The following PTH2R variants were observed in gnomAD, a reference collection of about 807,000 sequenced individuals.
PTH2R encodes parathyroid hormone 2 receptor.
In PTH2R, 59 loss-of-function variants were observed where a neutral mutation model predicts 60.3. That is an observed-to-expected ratio of 0.98 (90% CI 0.79 to 1.22). The LOEUF is 1.22. Ranked by LOEUF, PTH2R falls within the 50% of genes most tolerant of loss-of-function variation. The pLI, the probability that PTH2R is intolerant of heterozygous loss-of-function variation, is 0.00. For synonymous variants in PTH2R, 256 were observed against 243.8 expected (o/e 1.05, Z -0.47); for missense variants, 749 against 682.6 (o/e 1.10, Z -1.08).
intron 1 of PTH2R, among the ~76,000 whole-genome samples, chr2:208,367,003 T>A (rs562863954): frequency 6.6e-6 from 1 of 152,354 alleles, no homozygotes; most frequent in Admixed American, 6.5e-5. Context: ...TAAATCATCT[T>A]CCATGGCGTA....
At chr2:208,426,028 G>T (rs1424875184) in intron 1 of PTH2R, among the ~76,000 whole-genome samples, 1 of 152,160 alleles carries the variant, frequency 6.6e-6, no homozygotes, top group Non-Finnish European at 1.5e-5. Context: ...ACTCCATCAT[G>T]CTGGAAGTTC....
In PTH2R at chr2:208,472,410, A is replaced by G. The variant is rs537588051; in HGVS notation, c.982-8660A>G. ...AGTTCGCAACAAGTTCCTCACCTCC[A>G]AATCTCATCTTGAATTCCCACATGT... On this transcript the variant is annotated intron_variant, in intron 9 of 12. Coordinates refer to ENST00000272847, the MANE Select transcript of PTH2R (RefSeq NM_005048.4). Among the ~76,000 whole-genome samples, 89 of 152,198 alleles carry G rather than the reference A, an allele frequency of 5.8e-4. 1 individual carries two copies. The South Asian group carries it at 0.012, about 21-fold the overall frequency.
intron 8 of PTH2R, among the ~76,000 whole-genome samples, chr2:208,452,317 C>G (rs1158266334): frequency 1.3e-5 from 2 of 152,084 alleles, no homozygotes; most frequent in Admixed American, 6.5e-5. Flanking sequence ...ATAACTAATG[C>G]AAAGTTTGGA....
intron 9 of PTH2R, among the ~76,000 whole-genome samples, chr2:208,473,132 C>T (rs1344894120): frequency 6.6e-6 from 1 of 152,186 alleles, no homozygotes; most frequent in Non-Finnish European, 1.5e-5. Flanking sequence ...CTTCTGAACA[C>T]ATCAAGGAGA....
chr2:208,453,909 A>G (rs1399402071), intron 8 of PTH2R, among the ~76,000 whole-genome samples: 2 of 152,208 alleles, frequency 1.3e-5, no homozygotes, highest in African/African-American at 4.8e-5. Context: ...GCGTAAAGAA[A>G]CAGTAACTTT....
intron 8 of PTH2R, among the ~76,000 whole-genome samples, chr2:208,452,152 T>C (rs1702418897): frequency 6.6e-6 from 1 of 152,202 alleles, no homozygotes; most frequent in South Asian, 2.1e-4. Flanking sequence ...ACAGGTGTCT[T>C]ATAGGCTTGT....
upstream of PTH2R, among the ~76,000 whole-genome samples, chr2:208,405,587 A>G (rs1163866335): frequency 1.3e-5 from 2 of 152,196 alleles, no homozygotes; most frequent in Non-Finnish European, 2.9e-5. Flanking sequence ...ATTCATCATC[A>G]CCAAACAATG....
At chr2:208,472,047 A>T (rs946968052) in intron 9 of PTH2R, among the ~76,000 whole-genome samples, 1 of 152,172 alleles carries the variant, frequency 6.6e-6, no homozygotes, top group African/African-American at 2.4e-5. Context: ...TCCCATTTGG[A>T]ATGGCTGTAT....
At chr2:208,481,028 A>G in intron 9 of PTH2R, 42 bp from the exon 10 acceptor site, 1 of 1,349,846 alleles carries the variant, frequency 7.4e-7, no homozygotes, top group South Asian at 1.3e-5. Flanking sequence ...AAAAATCTTG[A>G]AGACTAACAA....
intron 2 of PTH2R, among the ~76,000 whole-genome samples, chr2:208,432,665 G>A (rs1198051197): frequency 6.6e-6 from 1 of 152,176 alleles, no homozygotes; most frequent in Non-Finnish European, 1.5e-5. Context: ...AAGTCCAAGA[G>A]CCTCAAAAAC....
At chr2:208,414,769 CAGA>C (rs747727392) in intron 1 of PTH2R, among the ~76,000 whole-genome samples, 6 of 151,984 alleles carry the variant, frequency 3.9e-5, no homozygotes, top group Non-Finnish European at 7.4e-5. Flanking sequence ...GAATAAAAAT[CAGA>C]AGAAGGATCG....
At chr2:208,425,213 A>G (rs1292199919) in intron 1 of PTH2R, among the ~76,000 whole-genome samples, 1 of 152,152 alleles carries the variant, frequency 6.6e-6, no homozygotes, top group Non-Finnish European at 1.5e-5. Context: ...ATGATTTATG[A>G]CTTGCAAATC....
chr2:208,360,027 T>G (rs1574799640), exon 1 of PTH2R: 1 of 332,590 alleles, frequency 3.0e-6, no homozygotes, highest in Non-Finnish European at 6.0e-6. Flanking sequence ...CACCCACAGG[T>G]TTTTTGGGTC....
chr2:208,442,015 A>T (rs1702194488), intron 4 of PTH2R, among the ~76,000 whole-genome samples: 1 of 152,238 alleles, frequency 6.6e-6, no homozygotes, highest in Non-Finnish European at 1.5e-5. Context: ...GTATGTTGAT[A>T]AAAAAGTATA....
At chr2:208,488,134 C>T (rs181985057) in intron 10 of PTH2R, among the ~76,000 whole-genome samples, 8 of 152,214 alleles carry the variant, frequency 5.3e-5, no homozygotes, top group African/African-American at 9.6e-5. Flanking sequence ...TAGAAAGAGG[C>T]AGTTAAGGAG....
intron 9 of PTH2R, among the ~76,000 whole-genome samples, chr2:208,476,107 A>G (rs1421013380): frequency 6.6e-6 from 1 of 152,144 alleles, no homozygotes; most frequent in Non-Finnish European, 1.5e-5. Flanking sequence ...GAAATATTTT[A>G]GGTGATAAGT....
chr2:208,368,856 A>G (rs2125868416), intron 1 of PTH2R, among the ~76,000 whole-genome samples: 1 of 152,332 alleles, frequency 6.6e-6, no homozygotes, highest in Non-Finnish European at 1.5e-5. Context: ...ATCTCTCTAC[A>G]TTGAAAATAA....
At chr2:208,471,489 C>A (rs1350070021) in intron 9 of PTH2R, among the ~76,000 whole-genome samples, 1 of 152,374 alleles carries the variant, frequency 6.6e-6, no homozygotes, top group South Asian at 2.1e-4. Flanking sequence ...TCAGAGGGTG[C>A]AAGCCCCAAG....
chr2:208,368,590 G>A (rs562558000), intron 1 of PTH2R, among the ~76,000 whole-genome samples: 1 of 151,882 alleles, frequency 6.6e-6, no homozygotes, highest in Non-Finnish European at 1.5e-5. Context: ...ATCTTTCAAA[G>A]CCTGGCCACC....
Sources: allele counts gnomAD v4.1 joint callset (sites outside exome capture counted in the v4.1 genomes callset), GRCh38; gene constraint gnomAD v4.1.1; transcripts MANE v1.5; gene names NCBI Gene and HGNC (gene_info 2026-07-23, HGNC 2026-07-21).